Variants in UVRAG observed in about 807,000 individuals in gnomAD.
The protein encoded by UVRAG is UV radiation resistance associated, also known as UV radiation resistance-associated gene protein.
A neutral mutation model predicts 78.0 loss-of-function variants in UVRAG; 19 were observed. That is an observed-to-expected ratio of 0.24 (90% confidence interval 0.17 to 0.36). The LOEUF is 0.36. Among genes scored for constraint, UVRAG ranks in the 10% least tolerant of loss-of-function variants. The pLI, the probability that UVRAG is intolerant of heterozygous loss-of-function variation, is 1.00. For missense variants in UVRAG, 740 were observed against 853.8 expected, an observed-to-expected ratio of 0.87 and a Z score of 1.66; for synonymous variants, 323 against 324.6, an observed-to-expected ratio of 1.00 and a Z score of 0.05.
At chr11:75,847,769 G>C (rs917096133) in intron 1 of UVRAG, among the ~76,000 whole-genome samples, 1 of 151,460 alleles carries the variant, frequency 6.6e-6, no homozygotes, top group Non-Finnish European at 1.5e-5. Flanking sequence ...TCAGGAGATC[G>C]AGACCATCCT....
At chr11:76,081,565 G>A (rs1293633949) in intron 13 of UVRAG, among the ~76,000 whole-genome samples, 1 of 151,932 alleles carries the variant, frequency 6.6e-6, no homozygotes, top group East Asian at 1.9e-4. Flanking sequence ...GAAACTTGAA[G>A]TAAATAATCT....
At chr11:75,923,400 A>C (rs1948021448) in intron 6 of UVRAG, among the ~76,000 whole-genome samples, 1 of 152,184 alleles carries the variant, frequency 6.6e-6, no homozygotes, top group African/African-American at 2.4e-5. Context: ...AAATCATAAA[A>C]TTGAGTTGTG....
intron 12 of UVRAG, among the ~76,000 whole-genome samples, chr11:76,039,262 G>A (rs1413946800): frequency 6.6e-6 from 1 of 152,050 alleles, no homozygotes; most frequent in African/African-American, 2.4e-5. Context: ...ATCAAATGTT[G>A]GCCAATAATA....
intron 12 of UVRAG, among the ~76,000 whole-genome samples, chr11:76,052,976 AATAT>A (rs1394999928): frequency 6.7e-6 from 1 of 148,872 alleles, no homozygotes; most frequent in African/African-American, 2.4e-5. Flanking sequence ...TATAGGTATA[AATAT>A]ATATAGTTTA....
intron 12 of UVRAG, among the ~76,000 whole-genome samples, chr11:76,058,917 G>A (rs1951031501): frequency 6.6e-6 from 1 of 152,194 alleles, no homozygotes; most frequent in Non-Finnish European, 1.5e-5. Context: ...GTAAGTAAAG[G>A]CAGAGAAAGA....
chr11:75,987,137 G>A (rs1565105815), intron 8 of UVRAG, among the ~76,000 whole-genome samples: 1 of 152,166 alleles, frequency 6.6e-6, no homozygotes, highest in Non-Finnish European at 1.5e-5. Context: ...TGGAATTGCT[G>A]GGTCATATGA....
intron 12 of UVRAG, among the ~76,000 whole-genome samples, chr11:76,061,320 C>G (rs960184353): frequency 2.0e-5 from 3 of 152,162 alleles, no homozygotes; most frequent in Admixed American, 6.5e-5. Flanking sequence ...CAAAGCAGAC[C>G]ACTCGGCTCT....
intron 1 of UVRAG, among the ~76,000 whole-genome samples, chr11:75,816,966 A>G (rs1945274152): frequency 6.6e-6 from 1 of 152,170 alleles, no homozygotes; most frequent in African/African-American, 2.4e-5. Flanking sequence ...TTGTGTGACT[A>G]CTACCGAAGA....
intron 7 of UVRAG, among the ~76,000 whole-genome samples, chr11:75,967,952 A>T (rs1949056969): frequency 6.6e-6 from 1 of 152,230 alleles, no homozygotes; most frequent in Non-Finnish European, 1.5e-5. Context: ...TGCTTGAGGA[A>T]CTTTTGACCT....
At chr11:75,962,418 C>G (rs1948926953) in intron 7 of UVRAG, among the ~76,000 whole-genome samples, 1 of 152,062 alleles carries the variant, frequency 6.6e-6, no homozygotes, top group African/African-American at 2.4e-5. Context: ...TATAGAAAAG[C>G]AGCAATGCAC....
chr11:75,881,865 T>G (rs1946952848), intron 4 of UVRAG, among the ~76,000 whole-genome samples: 1 of 152,208 alleles, frequency 6.6e-6, no homozygotes, highest in Non-Finnish European at 1.5e-5. Flanking sequence ...ATTGCCCTTA[T>G]TTTCCAGATG....
intron 1 of UVRAG, among the ~76,000 whole-genome samples, chr11:75,818,245 G>T (rs1323604081): frequency 6.6e-6 from 1 of 151,930 alleles, no homozygotes; most frequent in South Asian, 2.1e-4. Context: ...AAATGGAGTT[G>T]TGCAAAATGT....
chr11:75,948,854 C>T (rs1948631198), intron 6 of UVRAG, among the ~76,000 whole-genome samples: 1 of 152,060 alleles, frequency 6.6e-6, no homozygotes, highest in African/African-American at 2.4e-5. Context: ...GATGCATTAG[C>T]ACGAATCTTT....
chr11:75,911,710 T>C, intron 5 of UVRAG: 1 of 336,864 alleles, frequency 3.0e-6, no homozygotes, highest in Middle Eastern at 9.0e-4. Context: ...GACTCAGGGC[T>C]GGGCTGGGCG....
chr11:75,949,233 T>A (rs1476515799), intron 6 of UVRAG, among the ~76,000 whole-genome samples: 1 of 152,158 alleles, frequency 6.6e-6, no homozygotes, highest in Non-Finnish European at 1.5e-5. Flanking sequence ...CTTTAACTGC[T>A]GTCATACCAG....
At chr11:76,082,291 A>G (rs888238711) in intron 13 of UVRAG, among the ~76,000 whole-genome samples, 4 of 152,212 alleles carry the variant, frequency 2.6e-5, no homozygotes, top group African/African-American at 9.6e-5. Flanking sequence ...CTGTAATCCC[A>G]GCACTTTGGG....
At chr11:75,932,814 G>T (rs1013887965) in intron 6 of UVRAG, among the ~76,000 whole-genome samples, 5 of 152,114 alleles carry the variant, frequency 3.3e-5, no homozygotes, top group Non-Finnish European at 7.3e-5. Context: ...TGAAAGCTCT[G>T]CAGTGAAAAC....
Position 75,815,381 on chromosome 11 carries a change from C to T in UVRAG, c.-27C>T. 3 of 1,190,196 alleles carry T rather than the reference C, an allele frequency of 2.5e-6. No homozygotes were observed. Among genetic ancestry groups the T allele is most frequent in the Admixed American group, 8.5e-5 (2 of 23,636 alleles). The allele number at this position is 1,190,196 out of a possible 1,614,324, so 73.7% of individuals were successfully genotyped here. On this transcript the variant is annotated 5_prime_UTR_variant, in exon 1 of 15. Coordinates refer to ENST00000356136, the MANE Select transcript of UVRAG (RefSeq NM_003369.4). ...GGCGGATGCCGGAAGAGTGCCCGCC[C>T]CGCCGCTTGGCGGCCCCTGGATCGA... is the stretch of plus-strand genomic sequence containing the variant.
chr11:76,005,142 G>A (rs767470968), intron 9 of UVRAG, among the ~76,000 whole-genome samples: 4 of 152,128 alleles, frequency 2.6e-5, no homozygotes, highest in African/African-American at 7.2e-5. Flanking sequence ...AGGAGATCAA[G>A]ACCATCCTGG....
Sources: gnomAD v4.1 joint callset for allele counts (sites outside exome capture counted in the v4.1 genomes callset) on GRCh38, gnomAD v4.1.1 for gene constraint, MANE v1.5 for transcripts, NCBI Gene and HGNC (gene_info 2026-07-23, HGNC 2026-07-21) for gene names.